Variants in IL34 observed in about 807,000 individuals in gnomAD.
IL34 encodes the protein interleukin 34, also known as interleukin-34.
A neutral mutation model predicts 25.3 loss-of-function variants in IL34; 17 were observed. The observed-to-expected ratio is 0.67, with a 90% confidence interval of 0.46 to 1.01. IL34 has a LOEUF of 1.01. Ranked by LOEUF, IL34 falls within the 50% of genes least tolerant of loss-of-function variation. The pLI, the probability that IL34 is intolerant of heterozygous loss-of-function variation, is 0.00. For synonymous variants in IL34, 174 were observed against 140.9 expected (o/e 1.23, Z -1.66); for missense variants, 368 against 312.9 (o/e 1.18, Z -1.33).
chr16:70,638,239 G>T (rs1257794050), intron 1 of IL34, among the ~76,000 whole-genome samples: 3 of 152,090 alleles, frequency 2.0e-5, no homozygotes, highest in African/African-American at 7.2e-5. Context: ...CACTTTGGGA[G>T]GCCAAGGTAG....
At chr16:70,631,577 GAGTCTCTGGGC>G (rs2051518718) in intron 1 of IL34, among the ~76,000 whole-genome samples, 1 of 152,098 alleles carries the variant, frequency 6.6e-6, no homozygotes, top group South Asian at 2.1e-4. Context: ...TGACCTTTTA[GAGTCTCTGGGC>G]TGTTATAAAA....
chr16:70,580,782 A>C (rs76236863), intron 1 of IL34, among the ~76,000 whole-genome samples: 1 of 138,072 alleles, frequency 7.2e-6, no homozygotes, highest in East Asian at 2.0e-4. Flanking sequence ...CTATGTCTCA[A>C]AAAAAAAAAA....
At chr16:70,586,974 T>C (rs558428974) in intron 1 of IL34, among the ~76,000 whole-genome samples, 22 of 152,242 alleles carry the variant, frequency 1.4e-4, no homozygotes, top group South Asian at 1.0e-3. Flanking sequence ...GCGGGCTCAT[T>C]TGGGGGCTGC....
chr16:70,654,285 G>T, intron 1 of IL34: 1 of 348,566 alleles, frequency 2.9e-6, no homozygotes, highest in Non-Finnish European at 5.2e-6. Flanking sequence ...CCTGAGGCGT[G>T]CCTCCTGGGG....
chr16:70,604,906 ATG>A (rs1319164921), intron 1 of IL34, among the ~76,000 whole-genome samples: 3 of 151,696 alleles, frequency 2.0e-5, no homozygotes, highest in Non-Finnish European at 4.4e-5. Context: ...GTGTGCATGC[ATG>A]TGTGTGTGCA....
At chr16:70,655,278 CTT>C (rs1197897638) in intron 2 of IL34, among the ~76,000 whole-genome samples, 2 of 151,978 alleles carry the variant, frequency 1.3e-5, no homozygotes, top group Admixed American at 1.3e-4. Context: ...GTCTCCATCT[CTT>C]GACCTCGTGA....
intron 1 of IL34, among the ~76,000 whole-genome samples, chr16:70,614,297 C>G (rs75297657): frequency 2.0e-5 from 3 of 152,100 alleles, no homozygotes; most frequent in African/African-American, 7.2e-5. Flanking sequence ...TTTGAGGAAC[C>G]CTTCTTTGGA....
upstream of IL34, among the ~76,000 whole-genome samples, chr16:70,642,960 T>A (rs2051821190): frequency 1.3e-5 from 2 of 152,166 alleles, no homozygotes. Context: ...TCAGAGTTTA[T>A]TTTGGGGGTG....
chr16:70,634,409 G>T (rs1284296699), intron 1 of IL34, among the ~76,000 whole-genome samples: 4 of 152,052 alleles, frequency 2.6e-5, no homozygotes, highest in Non-Finnish European at 4.4e-5. Flanking sequence ...GCTGGGCGCA[G>T]TGGCTCATGC....
chr16:70,580,917 T>TC lies in IL34; in HGVS notation c.-401+868_-401+869insC, dbSNP rs1378802544. On this transcript the variant is annotated intron_variant, in intron 1 of 6. Coordinates refer to the IL34 transcript ENST00000429149. ...AAGTGTTCTGCTTTTAAACTTTGCATTTTTTTTTTTTTGAGATGGAGTCTT... is the reference window on the plus strand; with the variant it reads ...AAGTGTTCTGCTTTTAAACTTTGCATCTTTTTTTTTTTTGAGATGGAGTCTT... Among the ~76,000 whole-genome samples the TC allele has an allele frequency of 4.1e-5, 6 of 144,920 alleles. No homozygotes were observed. In the East Asian group the frequency reaches 1.2e-3, roughly 29 times the overall value.
At position 70,599,293 on chromosome 16, in the gene IL34, C is replaced by CTTCT. The variant is rs1555502940; in HGVS notation, c.-401+19252_-401+19255dup. On this transcript the variant is annotated intron_variant, in intron 1 of 6. Transcript: ENST00000429149. The stretch of plus-strand genomic sequence containing the variant: ...TCTTTCTTTCTTTCTTTCTTTCTTT[C>CTTCT]TTCTTTCTTTCCTTCTTTCTTTCTT... Among the ~76,000 whole-genome samples the CTTCT allele has an allele frequency of 1.1e-3, 150 of 132,476 alleles. 1 individual carries two copies. The highest frequency in any genetic ancestry group is 2.2e-3 in the South Asian group (8 of 3,694). 86.9% of individuals were successfully genotyped at this position (132,476 alleles called of 152,430 possible).
At chr16:70,631,510 A>C (rs942265392) in intron 1 of IL34, among the ~76,000 whole-genome samples, 1 of 152,224 alleles carries the variant, frequency 6.6e-6, no homozygotes, top group Non-Finnish European at 1.5e-5. Context: ...AAAACCAAAG[A>C]ATCTTTATCC....
intron 1 of IL34, among the ~76,000 whole-genome samples, chr16:70,591,446 G>C (rs1765719886): frequency 6.6e-6 from 1 of 151,900 alleles, no homozygotes; most frequent in South Asian, 2.1e-4. Context: ...GCACGTACCT[G>C]TAGTCCCAGC....
At chr16:70,657,270 G>A in intron 4 of IL34, 149 bp downstream of exon 4, 4 of 826,040 alleles carry the variant, frequency 4.8e-6, no homozygotes, top group Non-Finnish European at 7.4e-6. Flanking sequence ...AGTGGGGGAG[G>A]GGTGCAGGAA....
intron 1 of IL34, among the ~76,000 whole-genome samples, chr16:70,629,460 C>A (rs1016045154): frequency 6.6e-6 from 1 of 152,104 alleles, no homozygotes; most frequent in Admixed American, 6.6e-5. Context: ...CCAGAACCCC[C>A]CAAAGATACC....
chr16:70,593,016 G>A (rs117592625), intron 1 of IL34, among the ~76,000 whole-genome samples: 5,767 of 151,908 alleles, frequency 0.038, 161 homozygotes, highest in Non-Finnish European at 0.053. Flanking sequence ...AAATAGAGAC[G>A]GGGTTTCACC....
intron 1 of IL34, among the ~76,000 whole-genome samples, chr16:70,634,671 T>C (rs2051598697): frequency 6.7e-6 from 1 of 149,882 alleles, no homozygotes; most frequent in Admixed American, 6.6e-5. Context: ...CAGAGCGAGA[T>C]TCCGAATCAA....
chr16:70,613,857 G>A (rs1436827477), intron 1 of IL34, among the ~76,000 whole-genome samples: 1 of 149,472 alleles, frequency 6.7e-6, no homozygotes, highest in Non-Finnish European at 1.5e-5. Flanking sequence ...CTGGGTGACA[G>A]AGTGAGACTC....
chr16:70,598,278 T>C lies in IL34; in HGVS notation c.-401+18229T>C, dbSNP rs148688780. On this transcript the variant is annotated intron_variant, in intron 1 of 6. Coordinates refer to the IL34 transcript ENST00000429149. ...CATTAGCGACCTCTTAGAGGTCACC[T>C]TCCTATATCACAGGACTTGAGGGAA... Among the ~76,000 whole-genome samples, 7 of 152,282 alleles carry C rather than the reference T, an allele frequency of 4.6e-5. No homozygotes were observed. The East Asian group carries it at 1.4e-3, about 29-fold the overall frequency.
Sources: allele counts gnomAD v4.1 joint callset (sites outside exome capture counted in the v4.1 genomes callset), GRCh38; gene constraint gnomAD v4.1.1; transcripts MANE v1.5; gene names NCBI Gene and HGNC (gene_info 2026-07-23, HGNC 2026-07-21).